Variants in KMT2C observed in about 807,000 individuals in gnomAD.
KMT2C encodes histone-lysine N-methyltransferase 2C.
In KMT2C, 88 loss-of-function variants were observed where a neutral mutation model predicts 507.9. That is an observed-to-expected ratio of 0.17 (90% confidence interval 0.15 to 0.21). KMT2C has a LOEUF of 0.21. Among genes scored for constraint, KMT2C ranks in the 10% least tolerant of loss-of-function variants. KMT2C has a pLI of 1.00. For synonymous variants in KMT2C, 2,049 were observed against 2,080.8 expected, an observed-to-expected ratio of 0.98 and a Z score of 0.42; for missense variants, 4,954 against 5,957.8, an observed-to-expected ratio of 0.83 and a Z score of 5.55.
At chr7:152,374,341 A>T (rs1231917513) in intron 1 of KMT2C, among the ~76,000 whole-genome samples, 1 of 149,644 alleles carries the variant, frequency 6.7e-6, no homozygotes, top group East Asian at 1.9e-4. Context: ...TAATAATAAT[A>T]ATTAATAAAA....
chr7:152,281,935 G>A (rs182008534), intron 6 of KMT2C, among the ~76,000 whole-genome samples: 443 of 152,112 alleles, frequency 2.9e-3, no homozygotes, highest in Non-Finnish European at 4.9e-3. Flanking sequence ...CAAATTCATC[G>A]ACTATGGAAA....
At chr7:152,398,430 G>A (rs982420021) in intron 1 of KMT2C, among the ~76,000 whole-genome samples, 1 of 152,168 alleles carries the variant, frequency 6.6e-6, no homozygotes, top group Non-Finnish European at 1.5e-5. Flanking sequence ...TCATAAAAAT[G>A]GATATAAGTA....
At position 152,395,786 on chromosome 7, in the gene KMT2C, T is replaced by G. The variant is rs184056068; in HGVS notation, c.162-37111A>C. ...GCCTCAGGCGTGAACCACCCCACTT[T>G]CTAAGTTTTATACCTAAATATTAAT... On this transcript the variant is annotated intron_variant, in intron 1 of 58. Coordinates refer to ENST00000262189, the MANE Select transcript of KMT2C (RefSeq NM_170606.3). Among the ~76,000 whole-genome samples the G allele has an allele frequency of 4.7e-3, 723 of 152,260 alleles. 5 individuals are homozygous for G. Among genetic ancestry groups the G allele is most frequent in the Non-Finnish European group, 6.3e-3 (429 of 68,010 alleles).
chr7:152,221,348 G>C (rs1156733300), intron 22 of KMT2C, among the ~76,000 whole-genome samples: 1 of 152,186 alleles, frequency 6.6e-6, no homozygotes. Flanking sequence ...AATCCACTAT[G>C]AGCTTCTTCG....
At position 152,207,421 on chromosome 7, in the gene KMT2C, T is replaced by C. The variant is rs1238678820; in HGVS notation, c.3720A>G (p.Glu1240=). 1 of 1,588,942 alleles carries C rather than the reference T, an allele frequency of 6.3e-7. No homozygotes were observed. The highest frequency in any genetic ancestry group is 8.5e-7 in the Non-Finnish European group (1 of 1,171,150). The change falls in exon 24 of 59, where the codon GAA becomes GAG. Residue 1240 remains glutamate, a synonymous_variant. Coordinates refer to ENST00000262189, the MANE Select transcript of KMT2C (RefSeq NM_170606.3). ...DGEMDDSREG[E]LMDCDGKSES... is the part of the protein sequence containing the mutation. ...CTGATTTTCCATCACAATCCATAAG[T>C]TCTCCTTCTGGAAAAAAGTAAATGT...
At chr7:152,371,477 C>A (rs550297905) in intron 1 of KMT2C, among the ~76,000 whole-genome samples, 1 of 152,130 alleles carries the variant, frequency 6.6e-6, no homozygotes, top group South Asian at 2.1e-4. Context: ...CTGAAACAAA[C>A]AAACTTACAA....
In KMT2C at chr7:152,163,392, A is replaced by C. The variant is rs1374811449; in HGVS notation, c.10185T>G (p.Phe3395Leu). ...FDDNNPFSES[F>L]QERERKERLR... is the part of the protein sequence containing the mutation. ...AACGTTCCTTACGTTCCCGTTCTTG[A>C]AAACTTTCACTAAAGGGATTGTTGT... The change falls in exon 43 of 59, where the codon TTT (phenylalanine) becomes TTG (leucine). Residue 3395 changes from phenylalanine (F) to leucine (L), a missense_variant. Phe to Leu is a conservative substitution (Grantham distance 22). Coordinates refer to ENST00000262189, the MANE Select transcript of KMT2C (RefSeq NM_170606.3). The C allele has an allele frequency of 1.9e-6, 3 of 1,614,130 alleles. No individual in the cohort carries two copies. Among genetic ancestry groups the C allele is most frequent in the Non-Finnish European group, 2.5e-6 (3 of 1,180,030 alleles).
At chr7:152,307,529 T>C (rs922241975) in intron 6 of KMT2C, among the ~76,000 whole-genome samples, 19 of 152,202 alleles carry the variant, frequency 1.2e-4, no homozygotes, top group African/African-American at 4.6e-4. Flanking sequence ...TCCCTTCTAA[T>C]CCCCACATGG....
intron 6 of KMT2C, among the ~76,000 whole-genome samples, chr7:152,288,849 T>C (rs62492949): frequency 2.0e-5 from 3 of 152,148 alleles, no homozygotes; most frequent in Non-Finnish European, 4.4e-5. Context: ...ATTTCTCACC[T>C]GAAACCATGG....
At chr7:152,165,816 G>C (rs187382876) in intron 42 of KMT2C, among the ~76,000 whole-genome samples, 1 of 152,058 alleles carries the variant, frequency 6.6e-6, no homozygotes, top group African/African-American at 2.4e-5. Context: ...AACCTCCCAA[G>C]CAGCTGGGAT....
chr7:152,270,163 C>A (rs2095935371), intron 7 of KMT2C, among the ~76,000 whole-genome samples: 1 of 152,144 alleles, frequency 6.6e-6, no homozygotes, highest in South Asian at 2.1e-4. Flanking sequence ...AAAAGAGAAT[C>A]TCTGGGAAGA....
At chr7:152,369,072 C>T (rs961133778) in intron 1 of KMT2C, among the ~76,000 whole-genome samples, 1 of 151,834 alleles carries the variant, frequency 6.6e-6, no homozygotes, top group African/African-American at 2.4e-5. Context: ...CCTGTAATCC[C>T]AGCACTTTGG....
intron 14 of KMT2C, among the ~76,000 whole-genome samples, chr7:152,245,109 T>C (rs2095448210): frequency 5.3e-5 from 8 of 152,220 alleles, no homozygotes; most frequent in Non-Finnish European, 1.5e-5. Context: ...TGTGAAAGAT[T>C]TGTTGCAGCA....
chr7:152,400,661 T>G (rs986059506), intron 1 of KMT2C, among the ~76,000 whole-genome samples: 8 of 152,230 alleles, frequency 5.3e-5, no homozygotes, highest in Non-Finnish European at 1.0e-4. Flanking sequence ...TGAGGACTTT[T>G]ACAGATAAGC....
chr7:152,223,536 A>G (rs111399958), intron 20 of KMT2C, among the ~76,000 whole-genome samples: 2 of 152,140 alleles, frequency 1.3e-5, no homozygotes, highest in African/African-American at 4.8e-5. Flanking sequence ...GCTCACACCT[A>G]TAATCATAAA....
intron 34 of KMT2C, among the ~76,000 whole-genome samples, chr7:152,184,964 C>G (rs1275598246): frequency 1.3e-5 from 2 of 152,114 alleles, no homozygotes; most frequent in Non-Finnish European, 2.9e-5. Flanking sequence ...CTATGTTGCC[C>G]AGGCTGGTCT....
chr7:152,212,650 A>C (rs1190311248), intron 23 of KMT2C, among the ~76,000 whole-genome samples: 3 of 152,268 alleles, frequency 2.0e-5, no homozygotes, highest in Non-Finnish European at 4.4e-5. Flanking sequence ...ATTTCCATTT[A>C]AAATAACATC....
chr7:152,397,964 T>G (rs2097547119), intron 1 of KMT2C, among the ~76,000 whole-genome samples: 1 of 152,142 alleles, frequency 6.6e-6, no homozygotes, highest in Non-Finnish European at 1.5e-5. Context: ...CAACACTCAT[T>G]CTTGTTTTGA....
At chr7:152,347,957 T>C (rs2097075881) in intron 2 of KMT2C, among the ~76,000 whole-genome samples, 1 of 150,578 alleles carries the variant, frequency 6.6e-6, no homozygotes, top group Non-Finnish European at 1.5e-5. Flanking sequence ...AAGGGCCAAC[T>C]GTTTCAGAAA....
Sources: allele counts gnomAD v4.1 joint callset (sites outside exome capture counted in the v4.1 genomes callset), GRCh38; gene constraint gnomAD v4.1.1; transcripts MANE v1.5; gene names NCBI Gene and HGNC (gene_info 2026-07-23, HGNC 2026-07-21).